CHKB: variants seen among roughly 807,000 people sequenced by gnomAD.
CHKB encodes the protein choline/ethanolamine kinase.
Under a neutral mutation model 57.3 loss-of-function variants are expected in CHKB, and 45 were observed. That is an observed-to-expected ratio of 0.79 (90% CI 0.62 to 1.01). The LOEUF (loss-of-function observed/expected upper bound fraction) is 1.01, where lower values mean the gene tolerates loss of function less well. CHKB is among the 50% of genes least tolerant of loss of function. CHKB has a pLI of 0.00. For missense variants in CHKB, 517 were observed against 502.8 expected (o/e 1.03, Z -0.27); for synonymous variants, 224 against 201.8 (o/e 1.11, Z -0.93).
In CHKB at chr22:50,579,428, A is replaced by T. The variant is rs372078948; in HGVS notation, c.1111T>A (p.Leu371Met). 39 of 1,613,064 alleles carry T rather than the reference A, an allele frequency of 2.4e-5. No homozygotes were observed. The highest frequency in any genetic ancestry group is 3.1e-5 in the Non-Finnish European group (37 of 1,179,778). Residue 371 changes from leucine (L) to methionine (M), a missense_variant and splice_region_variant, in exon 10 of 11, where the codon TTG (leucine) becomes ATG (methionine). Transcript: ENST00000406938. ...TTCCCATCCCCAGGGTCACTTACCA[A>T]GTAACCAAATTCTATGGTGGACATG... ...ASMSTIEFGY[L>M]DYAQSRFQFY...
rs1199907936 is a variant in CHKB, at chr22:50,581,599, G to C, written c.448-46C>G. On this transcript the variant is annotated intron_variant, in intron 3 of 10. Transcript: ENST00000406938. The stretch of plus-strand genomic sequence containing the variant: ...GGGTGGTGATGGGGCTGGGGCAGGA[G>C]TGGGAAGGGCTGGGGCAATGAGGGG... 2.5e-6 allele frequency: 4 copies of C among 1,612,896 alleles called. No individual in the cohort carries two copies. In the East Asian group the frequency reaches 8.9e-5, roughly 36 times the overall value.
rs772515920 is a variant in CHKB at position 50,582,690 on chromosome 22, G to C, written c.92C>G (p.Thr31Ser). Reference protein sequence around the residue: ...DGLQQSKCPDTTPKRRRASSL... With the variant: ...DGLQQSKCPDSTPKRRRASSL... Reference sequence around the variant, plus strand: ...CGAGGCGCGCCGCCGTTTTGGGGTAGTGTCCGGGCACTTAGACTGCTGCAA... The same window carrying C: ...CGAGGCGCGCCGCCGTTTTGGGGTACTGTCCGGGCACTTAGACTGCTGCAA... The change falls in exon 1 of 11, where the codon ACT (threonine) becomes AGT (serine). Residue 31 changes from threonine to serine, a missense_variant. Transcript: ENST00000406938. 6 of 1,610,638 alleles carry C rather than the reference G, an allele frequency of 3.7e-6. No homozygotes were observed. In the East Asian group the frequency reaches 1.1e-4, roughly 30 times the overall value.
intron 2 of CHKB, 157 bp from the exon 3 acceptor site, chr22:50,582,019 G>A (rs977192111): frequency 1.3e-6 from 1 of 786,504 alleles, no homozygotes; most frequent in Non-Finnish European, 2.2e-6. Flanking sequence ...TTTAGAGATG[G>A]GGGTCTCACT....
chr22:50,582,474 G>GA, intron 1 of CHKB, 84 bp downstream of exon 1: 1 of 1,487,106 alleles, frequency 6.7e-7, no homozygotes, highest in Non-Finnish European at 9.0e-7. Context: ...AGAGGGGGGC[G>GA]AAAACATGGA....
At position 50,581,809 on chromosome 22, in the gene CHKB, C is replaced by T; in HGVS notation, c.387G>A (p.Arg129=). Residue 129 remains arginine (R), a synonymous_variant, in exon 3 of 11, where the codon CGG becomes CGA. Coordinates refer to ENST00000406938, the MANE Select transcript of CHKB (RefSeq NM_005198.5). ...ESVMFAILAE[R]SLGPQLYGVF... ...CTCCGTACAGCTGGGGCCCCAGCGACCGCTCCGCAAGTATGGCGAACATCA... is the reference window on the plus strand; with the variant it reads ...CTCCGTACAGCTGGGGCCCCAGCGATCGCTCCGCAAGTATGGCGAACATCA... The T allele has an allele frequency of 6.2e-7, 1 of 1,613,904 alleles. No homozygotes were observed. The highest frequency in any genetic ancestry group is 8.5e-7 in the Non-Finnish European group (1 of 1,180,016).
Position 50,579,199 on chromosome 22 carries a change from A to G in CHKB, c.1170T>C (p.Ser390=). ...FYFQQKGQLT[S]VHSSS is the part of the protein sequence containing the mutation. ...GGTGGAGTCAGGATGAGGAGTGGAC[A>G]CTGGTCAGCTGCCCCTTCTGCTGGA... The change falls in exon 11 of 11, where the codon AGT becomes AGC. Residue 390 remains serine, a synonymous_variant. Coordinates refer to ENST00000406938, the MANE Select transcript of CHKB (RefSeq NM_005198.5). The G allele has an allele frequency of 6.2e-7, 1 of 1,613,814 alleles. No individual in the cohort carries two copies. Among genetic ancestry groups the G allele is most frequent in the Non-Finnish European group, 8.5e-7 (1 of 1,179,864 alleles).
chr22:50,580,773 C>T (rs114349343), intron 4 of CHKB, 113 bp from the exon 5 acceptor site: 7 of 925,038 alleles, frequency 7.6e-6, no homozygotes, highest in Middle Eastern at 2.1e-4. Context: ...GTGACTTGTC[C>T]GGCAATCATT....
At chr22:50,581,065 G>A (rs1220536544) in intron 4 of CHKB, among the ~76,000 whole-genome samples, 2 of 152,064 alleles carry the variant, frequency 1.3e-5, no homozygotes, top group South Asian at 2.1e-4. Flanking sequence ...ACAGGCATGA[G>A]CCACCGTGCC....
intron 7 of CHKB, 27 bp downstream of exon 7, chr22:50,580,163 T>C: frequency 6.2e-7 from 1 of 1,613,582 alleles, no homozygotes; most frequent in Non-Finnish European, 8.5e-7. Flanking sequence ...GGAACAGATC[T>C]ATGGGAAGCC....
rs771547711 is a variant in CHKB, at chr22:50,582,243, C to G, written c.333+6G>C. 6.3e-7 allele frequency: 1 copy of G among 1,580,834 alleles called. No individual in the cohort carries two copies. Among genetic ancestry groups the G allele is most frequent in the South Asian group, 1.2e-5 (1 of 86,278 alleles). Reference sequence around the variant, plus strand: ...ACTGGTGCTGCGGCGCTCACACCCCCCTCACCTGCAAGATGGCTCCGTACA... The same window carrying G: ...ACTGGTGCTGCGGCGCTCACACCCCGCTCACCTGCAAGATGGCTCCGTACA... On this transcript the variant is annotated splice_donor_region_variant and intron_variant, in intron 2 of 10. Coordinates refer to ENST00000406938, the MANE Select transcript of CHKB (RefSeq NM_005198.5).
intron 4 of CHKB, among the ~76,000 whole-genome samples, chr22:50,580,981 G>C (rs922775714): frequency 6.6e-6 from 1 of 152,118 alleles, no homozygotes; most frequent in Non-Finnish European, 1.5e-5. Context: ...GGGTTTCACT[G>C]TGTTGTCCAG....
Position 50,582,632 on chromosome 22 carries a change from G to C in CHKB, c.150C>G (p.Tyr50Ter). 6.2e-7 allele frequency: 1 copy of C among 1,611,354 alleles called. No homozygotes were observed. The highest frequency in any genetic ancestry group is 8.5e-7 in the Non-Finnish European group (1 of 1,179,500). Residue 50 changes from tyrosine (Y) to a stop codon, truncating the protein, a stop_gained, in exon 1 of 11, where the codon TAC (tyrosine) becomes TAG (stop). Transcript: ENST00000406938. LOFTEE classifies it high-confidence loss of function. ...SLSRDAERRA[Y>*]QWCREYLGGA... ...CGCCCAAGTACTCCCGGCACCATTG[G>C]TAGGCTCGGCGCTCGGCGTCACGCG...
In CHKB at chr22:50,580,100, A is replaced by C. The variant is rs550228390; in HGVS notation, c.819-18T>G. 1.1e-4 allele frequency: 172 copies of C among 1,613,578 alleles called. 3 individuals are homozygous for C. In the South Asian group the frequency reaches 1.9e-3, roughly 17 times the overall value. ...CAAAGCCCCTGGGAGAATAAGGTGGACATTCAGTCCCCAAATGCCCTGGGC... is the reference window on the plus strand; with the variant it reads ...CAAAGCCCCTGGGAGAATAAGGTGGCCATTCAGTCCCCAAATGCCCTGGGC... On this transcript the variant is annotated intron_variant, in intron 7 of 10. Transcript: ENST00000406938.
chr22:50,580,518 G>T (rs997355420), intron 5 of CHKB, 47 bp downstream of exon 5: 2 of 1,609,732 alleles, frequency 1.2e-6, no homozygotes, highest in African/African-American at 2.7e-5. Flanking sequence ...AGCAACTACT[G>T]GAAGGGCGGA....
At chr22:50,582,192 T>C (rs138208848) in intron 2 of CHKB, 57 bp downstream of exon 2, 40 of 1,442,896 alleles carry the variant, frequency 2.8e-5, no homozygotes, top group Non-Finnish European at 3.7e-5. Flanking sequence ...ACTACCCGCA[T>C]CGCGTAAGCG....
In CHKB at chr22:50,579,195, G is replaced by T. The variant is rs969288304; in HGVS notation, c.1174C>A (p.His392Asn). 6.2e-7 allele frequency: 1 copy of T among 1,613,670 alleles called. No homozygotes were observed. Among genetic ancestry groups the T allele is most frequent in the East Asian group, 2.2e-5 (1 of 44,840 alleles). The change falls in exon 11 of 11, where the codon CAC becomes AAC. Residue 392 changes from histidine (H) to asparagine (N), a missense_variant. Transcript: ENST00000406938. ...GGAGGGTGGAGTCAGGATGAGGAGT[G>T]GACACTGGTCAGCTGCCCCTTCTGC... ...FQQKGQLTSVHSSS is the reference protein window; with the variant it reads ...FQQKGQLTSVNSSS
chr22:50,582,742 C>G lies in CHKB; in HGVS notation c.40G>C (p.Val14Leu), dbSNP rs963653214. 1 of 1,598,866 alleles carries G rather than the reference C, an allele frequency of 6.3e-7. No individual in the cohort carries two copies. Among genetic ancestry groups the G allele is most frequent in the South Asian group, 1.1e-5 (1 of 89,408 alleles). The stretch of plus-strand genomic sequence containing the variant: ...CCGTCTTTGGCCAGGCAGCCGCCAA[C>G]AGCCCCGCTTCCGGCCACAGCTGTC... The part of the protein sequence containing the change: ...EATAVAGSGA[V>L]GGCLAKDGLQ... The change falls in exon 1 of 11, where the codon GTT becomes CTT. Residue 14 changes from valine (V) to leucine (L), a missense_variant. Coordinates refer to ENST00000406938, the MANE Select transcript of CHKB (RefSeq NM_005198.5).
rs1187867767 is a variant in CHKB at position 50,579,765 on chromosome 22, C to T, written c.993G>A (p.Gln331=). Residue 331 remains glutamine, a synonymous_variant, in exon 9 of 11, where the codon CAG becomes CAA. Coordinates refer to ENST00000406938, the MANE Select transcript of CHKB (RefSeq NM_005198.5). ...KKGETLSQEE[Q]RKLEEDLLVE... ...CCAGCAAATCTTCTTCCAGTTTTCT[C>T]TGCTCCTCTTGGGAGAGGGTCTCAC... 1.2e-6 allele frequency: 2 copies of T among 1,614,102 alleles called. No homozygotes were observed. The highest frequency in any genetic ancestry group is 1.7e-6 in the Non-Finnish European group (2 of 1,180,038).
In CHKB at chr22:50,580,079, G is replaced by C; in HGVS notation, c.822C>G (p.Gly274=). ...DFEYSSYNYR[G]FDIGNHFCEW... is the part of the protein sequence containing the mutation. Reference sequence around the variant, plus strand: ...CACAAAAATGGTTCCCAATGTCAAAGCCCCTGGGAGAATAAGGTGGACATT... The same window carrying C: ...CACAAAAATGGTTCCCAATGTCAAACCCCCTGGGAGAATAAGGTGGACATT... Residue 274 remains glycine (G), a synonymous_variant, in exon 8 of 11, where the codon GGC becomes GGG. Transcript: ENST00000406938. 1.2e-6 allele frequency: 2 copies of C among 1,613,926 alleles called. No individual in the cohort carries two copies. Among genetic ancestry groups the C allele is most frequent in the Non-Finnish European group, 1.7e-6 (2 of 1,180,002 alleles).
Sources: gnomAD v4.1 joint callset for allele counts (sites outside exome capture counted in the v4.1 genomes callset) on GRCh38, gnomAD v4.1.1 for gene constraint, MANE v1.5 for transcripts, NCBI Gene and HGNC (gene_info 2026-07-23, HGNC 2026-07-21) for gene names.